ZNF316: variants seen among roughly 807,000 people sequenced by gnomAD.
ZNF316 encodes the protein zinc finger protein 316.
Under a neutral mutation model 75.6 loss-of-function variants are expected in ZNF316, and 23 were observed. That is an observed-to-expected ratio of 0.30 (90% CI 0.22 to 0.43). ZNF316 has a LOEUF of 0.43. Among genes scored for constraint, ZNF316 ranks in the 20% least tolerant of loss-of-function variants. The pLI is 1.00. For missense variants in ZNF316, 1,266 were observed against 1,409.4 expected, an observed-to-expected ratio of 0.90 and a Z score of 1.63; for synonymous variants, 827 against 666.2, an observed-to-expected ratio of 1.24 and a Z score of -3.72.
rs754636740 is a variant in ZNF316, at chr7:6,643,187, C to T, written c.465+114C>T. 288 of 1,215,968 alleles carry T rather than the reference C, an allele frequency of 2.4e-4. 1 individual carries two copies. In the Middle Eastern group the frequency reaches 2.5e-3, roughly 11 times the overall value. The allele number at this position is 1,215,968 out of a possible 1,614,324, so 75.3% of individuals were successfully genotyped here. A position where few individuals can be genotyped will look rare whatever the true frequency, so the allele number is the denominator to read the frequency against. On this transcript the variant is annotated intron_variant, in intron 6 of 8. Coordinates refer to ENST00000382252, the MANE Select transcript of ZNF316 (RefSeq NM_001278559.2). ...GCAGCGGCCATGGCACTGGAGTCCC[C>T]GGACCAGGCCCAGGCCCTGAGCTGG...
At chr7:6,652,172 G>T in intron 8 of ZNF316, 131 bp from the exon 9 acceptor site, 2 of 838,532 alleles carry the variant, frequency 2.4e-6, no homozygotes, top group East Asian at 3.3e-5. Context: ...GAAAGGAGGT[G>T]CCCCGTCCGA....
At chr7:6,648,845 G>A (rs372608627) in intron 8 of ZNF316, among the ~76,000 whole-genome samples, 20 of 152,290 alleles carry the variant, frequency 1.3e-4, no homozygotes, top group African/African-American at 4.3e-4. Flanking sequence ...GAGCCTTGAG[G>A]GACATCTCAG....
chr7:6,644,352 A>AGGG, intron 7 of ZNF316, 128 bp from the exon 8 acceptor site: 1 of 445,040 alleles, frequency 2.2e-6, no homozygotes. Flanking sequence ...CCTCCAGAGC[A>AGGG]GGGGTGTGGG....
At chr7:6,648,398 G>A (rs1401679773) in intron 8 of ZNF316, among the ~76,000 whole-genome samples, 1 of 152,164 alleles carries the variant, frequency 6.6e-6, no homozygotes, top group Non-Finnish European at 1.5e-5. Context: ...GACATTTGGG[G>A]GACAACTTGA....
rs1779331819 is a variant in ZNF316, at chr7:6,642,691, G to A, written c.282G>A (p.Glu94=). 1.6e-6 allele frequency: 2 copies of A among 1,234,896 alleles called. No homozygotes were observed. Among genetic ancestry groups the A allele is most frequent in the Admixed American group, 8.4e-5 (2 of 23,714 alleles). 76.5% of individuals were successfully genotyped at this position (1,234,896 alleles called of 1,614,324 possible). ...TGAAGGAGGTGCTGGCAGAGGAGGA[G>A]TGTCCGGCGTTGGGGACCCAGGAGC... ...EDVKEVLAEE[E]CPALGTQERL... Residue 94 remains glutamate, a synonymous_variant, in exon 5 of 9, where the codon GAG becomes GAA. Coordinates refer to ENST00000382252, the MANE Select transcript of ZNF316 (RefSeq NM_001278559.2). The surrounding 1 kb of genome is among the most constrained non-coding windows in gnomAD (Gnocchi z 8.1).
Position 6,654,739 on chromosome 7 carries a change from C to A in ZNF316, c.*128C>A. 1 of 843,208 alleles carries A rather than the reference C, an allele frequency of 1.2e-6. No individual in the cohort carries two copies. Among genetic ancestry groups the A allele is most frequent in the Non-Finnish European group, 1.5e-6 (1 of 662,198 alleles). 52.2% of individuals were successfully genotyped at this position (843,208 alleles called of 1,614,324 possible). A position where few individuals can be genotyped will look rare whatever the true frequency, so the allele number is the denominator to read the frequency against. On this transcript the variant is annotated 3_prime_UTR_variant, in exon 9 of 9. Transcript: ENST00000382252. ...CCTGGGTGCGGTGCCTTCCCTCAGC[C>A]CTCGCCCTGCGGCCCCGGGTCTCAT...
Position 6,640,546 on chromosome 7 carries a change from C to T in ZNF316, c.-166-1279C>T, listed in dbSNP as rs1031812105. On this transcript the variant is annotated intron_variant, in intron 3 of 8. Coordinates refer to ENST00000382252, the MANE Select transcript of ZNF316 (RefSeq NM_001278559.2). This position sits in a 1 kb window ranked among gnomAD's most constrained non-coding sequence, Gnocchi z 5.1. ...CCCAAGATTCAGGAGGGACCCACCC[C>T]CATGATCCAGTCACCTCCCACCAGG... 6.6e-6 allele frequency among the ~76,000 whole-genome samples: 1 copy of T among 152,232 alleles called. No individual in the cohort carries two copies. Among genetic ancestry groups the T allele is most frequent in the African/African-American group, 2.4e-5 (1 of 41,474 alleles).
intron 8 of ZNF316, among the ~76,000 whole-genome samples, chr7:6,647,402 T>C (rs1302199862): frequency 1.3e-5 from 2 of 152,086 alleles, no homozygotes; most frequent in African/African-American, 4.8e-5. Flanking sequence ...CAGAAGAGAG[T>C]GCTGCTAATG....
intron 3 of ZNF316, among the ~76,000 whole-genome samples, chr7:6,641,603 T>A (rs1028144382): frequency 6.6e-6 from 1 of 152,242 alleles, no homozygotes. Flanking sequence ...CTGTTACTGA[T>A]GTCAGTGAGA....
chr7:6,641,437 C>T (rs1001104542), intron 3 of ZNF316, among the ~76,000 whole-genome samples: 6 of 152,344 alleles, frequency 3.9e-5, no homozygotes, highest in Admixed American at 3.3e-4. Context: ...ATGACTCTGC[C>T]GTGCCCTTGG....
Position 6,642,719 on chromosome 7 carries a change from C to G in ZNF316, c.310C>G (p.Leu104Val), listed in dbSNP as rs1779332644. The G allele has an allele frequency of 8.1e-7, 1 of 1,233,890 alleles. No homozygotes were observed. The highest frequency in any genetic ancestry group is 1.0e-6 in the Non-Finnish European group (1 of 989,172). The allele number at this position is 1,233,890 out of a possible 1,614,324, so 76.4% of individuals were successfully genotyped here. The change falls in exon 5 of 9, where the codon CTT becomes GTT. Residue 104 changes from leucine to valine, a missense_variant. Leu to Val is a conservative substitution (Grantham distance 32, BLOSUM62 1). This residue lies in a region of ZNF316 where 961 missense variants were observed against 990.9 expected (regional missense o/e 0.97). Transcript: ENST00000382252. The surrounding 1 kb of genome is among the most constrained non-coding windows in gnomAD (Gnocchi z 8.1). ...TCCGGCGTTGGGGACCCAGGAGCGACTTAGCCGTGGTGGTGATGCCAAGTC... is the reference window on the plus strand; with the variant it reads ...TCCGGCGTTGGGGACCCAGGAGCGAGTTAGCCGTGGTGGTGATGCCAAGTC... ...ECPALGTQER[L>V]SRGGDAKSPV... is the part of the protein sequence containing the mutation.
chr7:6,644,542 C>G lies in ZNF316; in HGVS notation c.655C>G (p.Pro219Ala). 1.6e-6 allele frequency: 2 copies of G among 1,232,354 alleles called. No individual in the cohort carries two copies. Among genetic ancestry groups the G allele is most frequent in the South Asian group, 4.1e-5 (1 of 24,324 alleles). The allele number at this position is 1,232,354 out of a possible 1,614,324, so 76.3% of individuals were successfully genotyped here. A position where few individuals can be genotyped will look rare whatever the true frequency, so the allele number is the denominator to read the frequency against. The part of the protein sequence containing the change: ...RLEQGEEPWV[P>A]DSPRPEEGDI... ...GGAACAAGGGGAAGAACCTTGGGTCCCAGATAGTCCCCGACCTGAGGAAGG... is the reference window on the plus strand; with the variant it reads ...GGAACAAGGGGAAGAACCTTGGGTCGCAGATAGTCCCCGACCTGAGGAAGG... Residue 219 changes from proline to alanine, a missense_variant, in exon 8 of 9, where the codon CCA (proline) becomes GCA (alanine). Transcript: ENST00000382252.
intron 8 of ZNF316, 150 bp from the exon 9 acceptor site, chr7:6,652,153 T>A (rs1278505096): frequency 1.4e-6 from 1 of 712,060 alleles, no homozygotes; most frequent in Non-Finnish European, 1.9e-6. Context: ...GGGCAACCGC[T>A]CACTTGGTGA....
intron 8 of ZNF316, among the ~76,000 whole-genome samples, chr7:6,645,225 G>A (rs968827776): frequency 2.6e-5 from 4 of 152,186 alleles, no homozygotes; most frequent in African/African-American, 9.6e-5. Context: ...ACTGGGGGAC[G>A]CCACATTGTC....
chr7:6,653,585 C>G lies in ZNF316; in HGVS notation c.1989C>G (p.Gly663=). The part of the protein sequence containing the change: ...FGGGGAAGGG[G]GLRAFGPAIG... ...GCGGCGGGGCCGCGGGCGGCGGAGG[C>G]GGCCTGCGCGCGTTCGGGCCCGCCA... The change falls in exon 9 of 9, where the codon GGC becomes GGG. Residue 663 remains glycine, a synonymous_variant. Transcript: ENST00000382252. 1 of 1,076,270 alleles carries G rather than the reference C, an allele frequency of 9.3e-7. No homozygotes were observed. The highest frequency in any genetic ancestry group is 1.1e-6 in the Non-Finnish European group (1 of 887,648). The allele number at this position is 1,076,270 out of a possible 1,614,324, so 66.7% of individuals were successfully genotyped here.
intron 8 of ZNF316, among the ~76,000 whole-genome samples, chr7:6,645,531 A>T (rs1048113274): frequency 2.0e-5 from 3 of 151,842 alleles, no homozygotes; most frequent in Middle Eastern, 3.4e-3. Context: ...TAAAAATACA[A>T]AAATTAGCTG....
intron 8 of ZNF316, among the ~76,000 whole-genome samples, chr7:6,645,701 T>TAA (rs200054983): frequency 2.7e-5 from 3 of 112,868 alleles, no homozygotes; most frequent in African/African-American, 1.0e-4. Context: ...AAAAAAGAAA[T>TAA]AAAAAAAAAA....
chr7:6,652,002 G>A (rs908604476), intron 8 of ZNF316, among the ~76,000 whole-genome samples: 1 of 152,188 alleles, frequency 6.6e-6, no homozygotes, highest in African/African-American at 2.4e-5. Flanking sequence ...CCTGGAGGGA[G>A]CCGGCGGTCT....
chr7:6,644,060 C>G (rs1329848974), intron 7 of ZNF316, 112 bp downstream of exon 7: 1 of 1,140,172 alleles, frequency 8.8e-7, no homozygotes, highest in Non-Finnish European at 1.1e-6. Flanking sequence ...AAGGTGGATG[C>G]TGGGCCCAGC....
Sources: allele counts gnomAD v4.1 joint callset (sites outside exome capture counted in the v4.1 genomes callset), GRCh38; gene constraint gnomAD v4.1.1; regional missense constraint gnomAD v4.1.1; non-coding constraint Gnocchi (gnomAD v3.1); transcripts MANE v1.5; gene names NCBI Gene and HGNC (gene_info 2026-07-23, HGNC 2026-07-21).